RFX7: variants seen among roughly 807,000 people sequenced by gnomAD.
RFX7 encodes the protein DNA-binding protein RFX7.
Under a neutral mutation model 111.8 loss-of-function variants are expected in RFX7, and 26 were observed. That is an observed-to-expected ratio of 0.23 (90% CI 0.17 to 0.32). RFX7 has a LOEUF of 0.32. RFX7 is among the 10% of genes least tolerant of loss of function. The pLI, the probability that RFX7 is intolerant of heterozygous loss-of-function variation, is 1.00. For synonymous variants in RFX7, 624 were observed against 624.4 expected, an observed-to-expected ratio of 1.00 and a Z score of 0.01; for missense variants, 1,573 against 1,772.9, an observed-to-expected ratio of 0.89 and a Z score of 2.02.
chr15:56,186,723 A>C (rs952716440), intron 2 of RFX7, among the ~76,000 whole-genome samples: 2 of 152,134 alleles, frequency 1.3e-5, no homozygotes, highest in African/African-American at 2.4e-5. Context: ...TGTGTGTATA[A>C]TAAACACACC....
intron 2 of RFX7, among the ~76,000 whole-genome samples, chr15:56,180,773 C>A (rs965326489): frequency 6.7e-6 from 1 of 148,212 alleles, no homozygotes; most frequent in African/African-American, 2.5e-5. Context: ...AAAAAAAAGC[C>A]GAGCATGGTG....
chr15:56,149,010 AAGGCGG>A (rs1162115496), intron 3 of RFX7, among the ~76,000 whole-genome samples: 2 of 151,494 alleles, frequency 1.3e-5, no homozygotes, highest in Non-Finnish European at 2.9e-5. Flanking sequence ...GTGAACCCGG[AAGGCGG>A]AGCTTGCAGT....
At chr15:56,152,772 G>A (rs1487598196) in intron 3 of RFX7, among the ~76,000 whole-genome samples, 5 of 147,338 alleles carry the variant, frequency 3.4e-5, no homozygotes, top group Non-Finnish European at 6.0e-5. Context: ...TCCAGGAGCT[G>A]GTTTTTTGAA....
At chr15:56,185,739 T>C (rs2043031666) in intron 2 of RFX7, among the ~76,000 whole-genome samples, 1 of 152,212 alleles carries the variant, frequency 6.6e-6, no homozygotes, top group East Asian at 1.9e-4. Flanking sequence ...TTCTGGTTTT[T>C]ACTACTGATG....
chr15:56,178,360 T>G (rs1245048100), intron 3 of RFX7, among the ~76,000 whole-genome samples: 2 of 152,112 alleles, frequency 1.3e-5, no homozygotes, highest in Non-Finnish European at 2.9e-5. Context: ...ACCTATAGAA[T>G]AATAAGCTAA....
chr15:56,192,730 C>T (rs1879348), intron 2 of RFX7: 47,418 of 220,476 alleles, frequency 0.22, 5,695 homozygotes, highest in East Asian at 0.43. Flanking sequence ...CGGGTGGTCA[C>T]TGGTGTTTTA....
At chr15:56,203,241 T>C (rs193188470) in intron 2 of RFX7, among the ~76,000 whole-genome samples, 3 of 152,322 alleles carry the variant, frequency 2.0e-5, no homozygotes, top group African/African-American at 7.2e-5. Flanking sequence ...GCAAAGTTAG[T>C]ACAGATTAGT....
chr15:56,215,481 T>C (rs2043354622), intron 2 of RFX7, among the ~76,000 whole-genome samples: 1 of 152,216 alleles, frequency 6.6e-6, no homozygotes, highest in South Asian at 2.1e-4. Context: ...CATCTGTTAA[T>C]GTGGTAAATT....
At chr15:56,124,874 T>C (rs117524003) in intron 5 of RFX7, among the ~76,000 whole-genome samples, 2 of 152,020 alleles carry the variant, frequency 1.3e-5, no homozygotes, top group East Asian at 1.9e-4. Context: ...TATAATGCCA[T>C]TGGTTTACTT....
rs141183959 is a variant in RFX7 at position 56,087,544 on chromosome 15, A to G, written c.*5801T>C. On this transcript the variant is annotated 3_prime_UTR_variant, in exon 10 of 10. Coordinates refer to ENST00000559447, the MANE Select transcript of RFX7 (RefSeq NM_022841.7). The stretch of plus-strand genomic sequence containing the variant: ...AGTAGCACCCAAACCTTTTGGTTAC[A>G]TCTCTTTGAGTACTTGGTAAGTGTC... 16 of 456,722 alleles carry G rather than the reference A, an allele frequency of 3.5e-5. No homozygotes were observed. The East Asian group carries it at 7.6e-4, about 22-fold the overall frequency. 28.3% of individuals were successfully genotyped at this position (456,722 alleles called of 1,614,324 possible).
intron 2 of RFX7, among the ~76,000 whole-genome samples, chr15:56,199,073 T>G (rs181797920): frequency 6.6e-6 from 1 of 152,104 alleles, no homozygotes; most frequent in Admixed American, 6.5e-5. Context: ...ATAAACCATG[T>G]AGGACCTACA....
chr15:56,171,799 A>C (rs1472125963), intron 3 of RFX7, among the ~76,000 whole-genome samples: 1 of 152,180 alleles, frequency 6.6e-6, no homozygotes. Flanking sequence ...GTTGAGTTTG[A>C]AGTACTTATG....
intron 5 of RFX7, among the ~76,000 whole-genome samples, chr15:56,112,888 A>T (rs1372694570): frequency 6.6e-6 from 1 of 152,246 alleles, no homozygotes; most frequent in Non-Finnish European, 1.5e-5. Context: ...GCAACCAACA[A>T]AAATATGAAA....
rs2041642125 is a variant in RFX7, at chr15:56,094,391, G to A, written c.3337C>T (p.His1113Tyr). The A allele has an allele frequency of 3.7e-6, 6 of 1,613,944 alleles. No homozygotes were observed. Among genetic ancestry groups the A allele is most frequent in the Non-Finnish European group, 5.1e-6 (6 of 1,179,858 alleles). ...AAACGACCAAAATGAGTGTCATGATGTCTGGATTGAGACTGATAAGACTGT... is the reference window on the plus strand; with the variant it reads ...AAACGACCAAAATGAGTGTCATGATATCTGGATTGAGACTGATAAGACTGT... The part of the protein sequence containing the change: ...PGQSYQSQSR[H>Y]HDTHFGRLTP... The change falls in exon 10 of 10, where the codon CAT becomes TAT. Residue 1113 changes from histidine to tyrosine, a missense_variant. Coordinates refer to ENST00000559447, the MANE Select transcript of RFX7 (RefSeq NM_022841.7).
rs191238795 is a variant in RFX7, at chr15:56,217,764, A to G, written c.161+25361T>C. 4.7e-4 allele frequency among the ~76,000 whole-genome samples: 71 copies of G among 152,330 alleles called. No homozygotes were observed. The Middle Eastern group carries it at 0.014, about 29-fold the overall frequency. ...TGTACACAGTTTTAATGATATGCAT[A>G]GCTGTTATTTGGTAGCAACATATTC... On this transcript the variant is annotated intron_variant, in intron 2 of 9. Coordinates refer to ENST00000559447, the MANE Select transcript of RFX7 (RefSeq NM_022841.7).
intron 2 of RFX7, among the ~76,000 whole-genome samples, chr15:56,226,249 A>C (rs2043482387): frequency 6.6e-6 from 1 of 152,210 alleles, no homozygotes; most frequent in Non-Finnish European, 1.5e-5. Context: ...GCTTTAAAGG[A>C]GATGTAATAA....
chr15:56,150,106 C>A (rs1230534331), intron 3 of RFX7, among the ~76,000 whole-genome samples: 1 of 152,154 alleles, frequency 6.6e-6, no homozygotes, highest in African/African-American at 2.4e-5. Context: ...ATAAACAAAG[C>A]TGCTGGGAAG....
chr15:56,121,112 G>A (rs2042072898), intron 5 of RFX7, among the ~76,000 whole-genome samples: 1 of 152,102 alleles, frequency 6.6e-6, no homozygotes, highest in South Asian at 2.1e-4. Flanking sequence ...ATGTCTTACT[G>A]CTCAACAGCC....
chr15:56,202,246 A>G (rs547569673), intron 2 of RFX7, among the ~76,000 whole-genome samples: 9 of 152,200 alleles, frequency 5.9e-5, no homozygotes, highest in Non-Finnish European at 1.0e-4. Flanking sequence ...TACCTAGTAC[A>G]TTAAGAAGTA....
Sources: gnomAD v4.1 joint callset for allele counts (sites outside exome capture counted in the v4.1 genomes callset) on GRCh38, gnomAD v4.1.1 for gene constraint, MANE v1.5 for transcripts, NCBI Gene and HGNC (gene_info 2026-07-23, HGNC 2026-07-21) for gene names.